CETP: variants seen among roughly 807,000 people sequenced by gnomAD.
CETP encodes cholesteryl ester transfer protein.
In CETP, 56 loss-of-function variants were observed where a neutral mutation model predicts 66.5. That is an observed-to-expected ratio of 0.84 (90% CI 0.68 to 1.05). The LOEUF (loss-of-function observed/expected upper bound fraction) is 1.05, where lower values mean the gene tolerates loss of function less well. CETP is among the 50% of genes least tolerant of loss of function. The pLI is 0.00. For synonymous variants in CETP, 251 were observed against 245.7 expected (o/e 1.02, Z -0.20); for missense variants, 612 against 609.6 (o/e 1.00, Z -0.04).
intron 2 of CETP, among the ~76,000 whole-genome samples, chr16:56,964,189 G>A (rs1289299323): frequency 6.6e-6 from 1 of 151,354 alleles, no homozygotes; most frequent in Admixed American, 6.6e-5. Context: ...ACCACGCCCG[G>A]CTAATTTTTG....
chr16:56,983,839 T>A lies in CETP; in HGVS notation c.*173T>A. Reference sequence around the variant, plus strand: ...GGCCCACTGGCATTAAAGTGCTGTATCCAAGAGCTGCGGAGTCCTTCTTCT... The same window carrying A: ...GGCCCACTGGCATTAAAGTGCTGTAACCAAGAGCTGCGGAGTCCTTCTTCT... On this transcript the variant is annotated 3_prime_UTR_variant, in exon 16 of 16. Transcript: ENST00000200676. The A allele has an allele frequency of 1.4e-6, 1 of 692,766 alleles. No homozygotes were observed. Among genetic ancestry groups the A allele is most frequent in the South Asian group, 1.5e-5 (1 of 66,912 alleles). 42.9% of individuals were successfully genotyped at this position (692,766 alleles called of 1,614,324 possible).
intron 7 of CETP, among the ~76,000 whole-genome samples, 187 bp downstream of exon 7, chr16:56,971,568 T>TCA (rs1317189271): frequency 1.2e-4 from 19 of 152,290 alleles, no homozygotes; most frequent in African/African-American, 4.6e-4. Flanking sequence ...GGCTGCAGCC[T>TCA]CACAAGCTGT....
intron 9 of CETP, 95 bp from the exon 10 acceptor site, chr16:56,975,006 T>G: frequency 9.5e-7 from 1 of 1,057,596 alleles, no homozygotes; most frequent in Non-Finnish European, 1.5e-6. Flanking sequence ...TGAGGAGGGG[T>G]CCAGTCCTTG....
In CETP at chr16:56,971,998, TC is replaced by T. The variant is rs759929211; in HGVS notation, c.667del (p.Leu223PhefsTer12). 2.5e-5 allele frequency: 40 copies of T among 1,613,980 alleles called. No individual in the cohort carries two copies. The highest frequency in any genetic ancestry group is 3.4e-5 in the Non-Finnish European group (40 of 1,179,962). On this transcript the variant is annotated frameshift_variant, in exon 8 of 16. Coordinates refer to ENST00000200676, the MANE Select transcript of CETP (RefSeq NM_000078.3). LOFTEE classifies it high-confidence loss of function. ...TGATCTTTTCCTCCTGCAGCCAGCA[TC>T]CTTTCAGATGGAGACATTGGGGTGG... The part of the protein sequence containing the change: ...ADFVQTRAAS[I>X]LSDGDIGVDI...
At position 56,972,101 on chromosome 16, in the gene CETP, G is replaced by A. The variant is rs752529037; in HGVS notation, c.750+18G>A. ...ATCACAAGGTAGGAGTTGTGGGAGG[G>A]TGGGGCAGGGCCCAGCTTCCCCAGG... is the stretch of plus-strand genomic sequence containing the variant. On this transcript the variant is annotated intron_variant, in intron 8 of 15. Transcript: ENST00000200676. 6.3e-6 allele frequency: 10 copies of A among 1,595,330 alleles called. No individual in the cohort carries two copies. The Admixed American group carries it at 8.3e-5, about 13-fold the overall frequency.
intron 2 of CETP, among the ~76,000 whole-genome samples, chr16:56,967,537 T>A (rs2141995208): frequency 6.6e-6 from 1 of 151,424 alleles, no homozygotes; most frequent in African/African-American, 2.4e-5. Flanking sequence ...AGCCTGTAAT[T>A]TCAGCTACTA....
intron 2 of CETP, among the ~76,000 whole-genome samples, chr16:56,965,416 C>T (rs11508026): frequency 0.33 from 49,203 of 151,346 alleles, 9,685 homozygotes; most frequent in South Asian, 0.45. Context: ...CAGAACAGAC[C>T]GGGAAAGCCA....
chr16:56,967,048 C>T (rs1212726756), intron 2 of CETP, among the ~76,000 whole-genome samples: 1 of 152,006 alleles, frequency 6.6e-6, no homozygotes, highest in Non-Finnish European at 1.5e-5. Flanking sequence ...AGAGACTCCA[C>T]TCAAAAATTT....
chr16:56,970,954 A>G, intron 5 of CETP, 79 bp from the exon 6 acceptor site: 5 of 1,332,230 alleles, frequency 3.8e-6, no homozygotes, highest in Non-Finnish European at 5.4e-6. Flanking sequence ...AGAGCCATGA[A>G]CGGTGCCTGG....
At chr16:56,971,231 C>A in intron 6 of CETP, 90 bp from the exon 7 acceptor site, 1 of 1,518,260 alleles carries the variant, frequency 6.6e-7, no homozygotes, top group South Asian at 1.1e-5. Context: ...CTGTGCCGGT[C>A]CCCAGCACTG....
chr16:56,977,190 T>C (rs2056155762), intron 10 of CETP, among the ~76,000 whole-genome samples: 1 of 152,132 alleles, frequency 6.6e-6, no homozygotes, highest in Non-Finnish European at 1.5e-5. Flanking sequence ...GGATTACAGG[T>C]GTGAGCTCCC....
At chr16:56,962,453 G>A (rs1440427581) in intron 1 of CETP, 1 of 528,614 alleles carries the variant, frequency 1.9e-6, no homozygotes, top group African/African-American at 1.9e-5. Context: ...TATATTTGGT[G>A]TTGGGGGTCA....
At chr16:56,973,721 C>T (rs1274630122) in intron 9 of CETP, among the ~76,000 whole-genome samples, 5 of 152,166 alleles carry the variant, frequency 3.3e-5, no homozygotes, top group African/African-American at 7.2e-5. Flanking sequence ...CAGGACGAAC[C>T]GCAGACAAAA....
chr16:56,983,686 G>A lies in CETP; in HGVS notation c.*20G>A, dbSNP rs2056204964. The A allele has an allele frequency of 1.9e-6, 3 of 1,611,306 alleles. No individual in the cohort carries two copies. The highest frequency in any genetic ancestry group is 1.7e-5 in the Admixed American group (1 of 60,008). ...AGCTAGAAGTCTCCAAGGAGGTCGG[G>A]ATGGGGCTTGTAGCAGAAGGCAAGC... is the stretch of plus-strand genomic sequence containing the variant. On this transcript the variant is annotated 3_prime_UTR_variant, in exon 16 of 16. Transcript: ENST00000200676.
At position 56,967,671 on chromosome 16, in the gene CETP, AC is replaced by A. The variant is rs1325575169; in HGVS notation, c.234-1714del. Among the ~76,000 whole-genome samples, 490 of 69,600 alleles carry A rather than the reference AC, an allele frequency of 7.0e-3. 6 individuals are homozygous for A. Among genetic ancestry groups the A allele is most frequent in the African/African-American group, 0.015 (440 of 29,830 alleles). 45.7% of individuals were successfully genotyped at this position (69,600 alleles called of 152,430 possible). ...CTCAGTCTCAAAAAAAAAAAAAAAAACAATGGTATGAGCTTTAAATTTCTGT... is the reference window on the plus strand; with the variant it reads ...CTCAGTCTCAAAAAAAAAAAAAAAAAAATGGTATGAGCTTTAAATTTCTGT... On this transcript the variant is annotated intron_variant, in intron 2 of 15. Transcript: ENST00000200676.
At position 56,975,966 on chromosome 16, in the gene CETP, G is replaced by A. The variant is rs1078367; in HGVS notation, c.981+815G>A. The stretch of plus-strand genomic sequence containing the variant: ...CCGTTCTCCTGTTCTAACAGAGGAC[G>A]GTCCCTCTTCCCTTCTGAACTCAGG... On this transcript the variant is annotated intron_variant, in intron 10 of 15. Transcript: ENST00000200676. 2.4e-4 allele frequency among the ~76,000 whole-genome samples: 37 copies of A among 152,278 alleles called. No homozygotes were observed. The East Asian group carries it at 5.2e-3, about 21-fold the overall frequency.
At chr16:56,966,973 G>A (rs12720922) in intron 2 of CETP, among the ~76,000 whole-genome samples, 34,287 of 151,842 alleles carry the variant, frequency 0.23, 4,331 homozygotes, top group African/African-American at 0.34. Context: ...TATTCTGTGC[G>A]GAGGTCAAGA....
intron 10 of CETP, among the ~76,000 whole-genome samples, chr16:56,976,500 C>T (rs1369885134): frequency 6.7e-6 from 1 of 149,690 alleles, no homozygotes; most frequent in African/African-American, 2.5e-5. Context: ...AAGACAGAGT[C>T]TTGCTCTGTG....
chr16:56,982,366 C>T lies in CETP; in HGVS notation c.1321+129C>T, dbSNP rs148125648. ...GTCATTGATACTTAGCGGTCCTGGCCCCCTTTCCTCTCCCTGCTGGTGGTA... is the reference window on the plus strand; with the variant it reads ...GTCATTGATACTTAGCGGTCCTGGCTCCCTTTCCTCTCCCTGCTGGTGGTA... On this transcript the variant is annotated intron_variant, in intron 14 of 15. Coordinates refer to ENST00000200676, the MANE Select transcript of CETP (RefSeq NM_000078.3). The T allele has an allele frequency of 1.1e-4, 95 of 861,784 alleles. No homozygotes were observed. The East Asian group carries it at 1.4e-3, about 13-fold the overall frequency. 53.4% of individuals were successfully genotyped at this position (861,784 alleles called of 1,614,324 possible). A position where few individuals can be genotyped will look rare whatever the true frequency, so the allele number is the denominator to read the frequency against.
Sources: allele counts gnomAD v4.1 joint callset (sites outside exome capture counted in the v4.1 genomes callset), GRCh38; gene constraint gnomAD v4.1.1; transcripts MANE v1.5; gene names NCBI Gene and HGNC (gene_info 2026-07-23, HGNC 2026-07-21).